The following NALF1 variants were observed in gnomAD, a reference collection of about 807,000 sequenced individuals.
NALF1 encodes the protein NALCN channel auxiliary factor 1.
Under a neutral mutation model 48.4 loss-of-function variants are expected in NALF1, and 3 were observed. The ratio of observed to expected loss-of-function variants is 0.06; its 90% CI spans 0.03 to 0.16. The LOEUF (loss-of-function observed/expected upper bound fraction) is 0.16. Among genes scored for constraint, NALF1 ranks in the 10% least tolerant of loss-of-function variants. NALF1 has a pLI of 1.00. For synonymous variants in NALF1, 262 were observed against 245.7 expected (o/e 1.07, Z -0.62); for missense variants, 526 against 571.5 (o/e 0.92, Z 0.81).
intron 1 of NALF1, among the ~76,000 whole-genome samples, chr13:107,755,494 A>T (rs1250746834): frequency 1.3e-5 from 2 of 151,540 alleles, no homozygotes; most frequent in Non-Finnish European, 2.9e-5. Flanking sequence ...AGTCCATCTA[A>T]AAGTAATCAG....
At chr13:107,473,224 T>C (rs534335110) in intron 1 of NALF1, among the ~76,000 whole-genome samples, 26 of 152,312 alleles carry the variant, frequency 1.7e-4, no homozygotes, top group African/African-American at 6.0e-4. Flanking sequence ...AGTGTAGGTC[T>C]AGATTCTTCA....
intron 1 of NALF1, among the ~76,000 whole-genome samples, chr13:107,608,102 T>C (rs1879120961): frequency 1.3e-5 from 2 of 152,210 alleles, no homozygotes; most frequent in African/African-American, 4.8e-5. Flanking sequence ...CCTCTAAGTA[T>C]GAAACAACTT....
At chr13:107,343,510 A>G (rs1014213355) in intron 1 of NALF1, among the ~76,000 whole-genome samples, 14 of 152,136 alleles carry the variant, frequency 9.2e-5, no homozygotes, top group African/African-American at 3.4e-4. Context: ...GCTGCCATCT[A>G]TGTAAGACGT....
chr13:107,818,356 A>G (rs1322586880), intron 1 of NALF1, among the ~76,000 whole-genome samples: 4 of 152,132 alleles, frequency 2.6e-5, no homozygotes. Flanking sequence ...TCAGGGCCAC[A>G]TGTTTACAGG....
At chr13:107,207,057 T>A (rs997583266) in intron 2 of NALF1, among the ~76,000 whole-genome samples, 4 of 152,158 alleles carry the variant, frequency 2.6e-5, no homozygotes, top group Non-Finnish European at 4.4e-5. Context: ...TGCTTGATGA[T>A]TTTTTTCAAA....
At chr13:107,790,625 T>C (rs1462582131) in intron 1 of NALF1, among the ~76,000 whole-genome samples, 1 of 152,198 alleles carries the variant, frequency 6.6e-6, no homozygotes, top group Non-Finnish European at 1.5e-5. Context: ...GATGTGTCTA[T>C]TGCATAGTTA....
chr13:107,253,810 C>T (rs1334039411), intron 1 of NALF1, among the ~76,000 whole-genome samples: 6 of 152,104 alleles, frequency 3.9e-5, no homozygotes, highest in Non-Finnish European at 8.8e-5. Context: ...CGGATCTTCA[C>T]GTCATTAACT....
intron 1 of NALF1, among the ~76,000 whole-genome samples, chr13:107,600,879 T>A (rs775564343): frequency 6.6e-6 from 1 of 152,238 alleles, no homozygotes; most frequent in Non-Finnish European, 1.5e-5. Flanking sequence ...ACTTGAAGGA[T>A]GATTAGAAGG....
At chr13:107,333,875 T>A (rs1453578395) in intron 1 of NALF1, among the ~76,000 whole-genome samples, 1 of 152,230 alleles carries the variant, frequency 6.6e-6, no homozygotes, top group African/African-American at 2.4e-5. Context: ...TCCTTGCTAT[T>A]CACAAACTGA....
intron 1 of NALF1, among the ~76,000 whole-genome samples, chr13:107,701,443 G>C (rs1455167904): frequency 6.6e-6 from 1 of 152,020 alleles, no homozygotes; most frequent in African/African-American, 2.4e-5. Context: ...CTTCAATTTG[G>C]TATCATTAAA....
At chr13:107,333,965 C>T in intron 1 of NALF1, among the ~76,000 whole-genome samples, 1 of 151,998 alleles carries the variant, frequency 6.6e-6, no homozygotes, top group East Asian at 1.9e-4. Flanking sequence ...GTATATTTTC[C>T]TTCCAGTTTC....
At chr13:107,194,455 G>A (rs543138606) in intron 2 of NALF1, among the ~76,000 whole-genome samples, 5 of 152,008 alleles carry the variant, frequency 3.3e-5, no homozygotes, top group South Asian at 2.1e-4. Context: ...CAAAGCATAC[G>A]AAAATATAAA....
intron 1 of NALF1, among the ~76,000 whole-genome samples, chr13:107,297,920 T>C (rs1191412409): frequency 1.3e-5 from 2 of 152,126 alleles, no homozygotes; most frequent in Non-Finnish European, 2.9e-5. Flanking sequence ...TCAAATACTG[T>C]TACCTAATTC....
intron 1 of NALF1, among the ~76,000 whole-genome samples, chr13:107,693,291 G>C (rs1881608099): frequency 6.8e-6 from 1 of 146,214 alleles, no homozygotes; most frequent in African/African-American, 2.5e-5. Context: ...CATGGACACA[G>C]GGCGGGGAAC....
intron 1 of NALF1, among the ~76,000 whole-genome samples, chr13:107,622,450 A>G (rs573695905): frequency 5.8e-4 from 64 of 110,856 alleles, no homozygotes; most frequent in Non-Finnish European, 1.1e-3. Context: ...AAAAAAACAA[A>G]CAAACAAACA....
At chr13:107,382,242 A>G (rs571176245) in intron 1 of NALF1, among the ~76,000 whole-genome samples, 10 of 152,342 alleles carry the variant, frequency 6.6e-5, no homozygotes, top group African/African-American at 2.4e-4. Flanking sequence ...TGATATATAC[A>G]TGGTACATGT....
At chr13:107,440,047 A>G (rs1287931978) in intron 1 of NALF1, among the ~76,000 whole-genome samples, 1 of 152,226 alleles carries the variant, frequency 6.6e-6, no homozygotes, top group Non-Finnish European at 1.5e-5. Context: ...GATTTTGTCC[A>G]TTATAACTGC....
intron 1 of NALF1, among the ~76,000 whole-genome samples, chr13:107,380,632 T>C (rs1206359665): frequency 6.6e-6 from 1 of 152,110 alleles, no homozygotes; most frequent in East Asian, 1.9e-4. Flanking sequence ...AAATATTCTA[T>C]TTTGAAGGAA....
At chr13:107,467,986 T>G (rs1188167419) in intron 1 of NALF1, among the ~76,000 whole-genome samples, 4 of 149,560 alleles carry the variant, frequency 2.7e-5, no homozygotes, top group Admixed American at 2.0e-4. Context: ...AGGCGGAGCT[T>G]GCAGTGAACT....
Sources: gnomAD v4.1 joint callset for allele counts (sites outside exome capture counted in the v4.1 genomes callset) on GRCh38, gnomAD v4.1.1 for gene constraint, MANE v1.5 for transcripts, NCBI Gene and HGNC (gene_info 2026-07-23, HGNC 2026-07-21) for gene names.